IL17B: variants seen among roughly 807,000 people sequenced by gnomAD.
IL17B encodes interleukin 17B.
A neutral mutation model predicts 14.7 loss-of-function variants in IL17B; 14 were observed. That is an observed-to-expected ratio of 0.95 (90% CI 0.63 to 1.49). The LOEUF (loss-of-function observed/expected upper bound fraction) is 1.49, where lower values mean the gene tolerates loss of function less well. IL17B is among the 40% of genes most tolerant of loss of function. The pLI is 0.00. For synonymous variants in IL17B, 105 were observed against 94.8 expected (o/e 1.11, Z -0.62); for missense variants, 233 against 252.8 (o/e 0.92, Z 0.53).
intron 1 of IL17B, among the ~76,000 whole-genome samples, chr5:149,396,304 C>A (rs765340083): frequency 6.6e-6 from 1 of 152,130 alleles, no homozygotes; most frequent in Admixed American, 6.6e-5. Context: ...AAATTTCAGA[C>A]CTAACAGGGA....
upstream of IL17B, among the ~76,000 whole-genome samples, chr5:149,384,236 T>C: frequency 6.6e-6 from 1 of 152,200 alleles, no homozygotes; most frequent in Admixed American, 6.5e-5. Context: ...CAGGCAATGG[T>C]GGTTGGACAT....
chr5:149,376,920 G>A lies in IL17B; in HGVS notation c.127C>T (p.His43Tyr). 1 of 1,614,042 alleles carries A rather than the reference G, an allele frequency of 6.2e-7. No homozygotes were observed. ...GACACCAGGTCCAGTGGCACCTGGT[G>A]AGGGCCAGGGGCCAGGGGCCCAGGC... ...GRPGPLAPGP[H>Y]QVPLDLVSRM... The change falls in exon 2 of 3, where the codon CAC becomes TAC. Residue 43 changes from histidine (H) to tyrosine (Y), a missense_variant. Physicochemically the swap from His to Tyr is moderately conservative, Grantham distance 83. Coordinates refer to ENST00000261796, the MANE Select transcript of IL17B (RefSeq NM_014443.3).
intron 1 of IL17B, among the ~76,000 whole-genome samples, chr5:149,385,086 G>A (rs1198784394): frequency 2.0e-5 from 3 of 147,982 alleles, no homozygotes; most frequent in African/African-American, 7.4e-5. Context: ...GCTAATTTTT[G>A]TATTTTTATT....
intron 1 of IL17B, among the ~76,000 whole-genome samples, chr5:149,402,988 G>A (rs1759240188): frequency 1.7e-5 from 2 of 116,330 alleles, no homozygotes; most frequent in Admixed American, 2.0e-4. Flanking sequence ...GGGTTACACA[G>A]TGAGACTCCA....
chr5:149,395,404 A>G (rs1038586416), intron 1 of IL17B, among the ~76,000 whole-genome samples: 4 of 152,048 alleles, frequency 2.6e-5, no homozygotes, highest in African/African-American at 9.7e-5. Context: ...CCATGTTTTT[A>G]TGGTGTCTTG....
chr5:149,402,918 G>A (rs1180707981), intron 1 of IL17B, among the ~76,000 whole-genome samples: 3 of 145,722 alleles, frequency 2.1e-5, no homozygotes, highest in South Asian at 2.2e-4. Context: ...TGGGAGAATC[G>A]CTTGAACCCG....
At chr5:149,385,149 A>C (rs1261311114) in intron 1 of IL17B, among the ~76,000 whole-genome samples, 1 of 151,474 alleles carries the variant, frequency 6.6e-6, no homozygotes, top group African/African-American at 2.4e-5. Context: ...CCTGACCTAG[A>C]GTTCGACACC....
chr5:149,376,989 C>G lies in IL17B; in HGVS notation c.58G>C (p.Gly20Arg), dbSNP rs760361621. ...TTGCTTTTGGGGCTCCTGGGCTGGC[C>G]CAGCCCCAGGAAGATGGAAATGGTA... ...LLTISIFLGL[G>R]QPRSPKSKRK... is the part of the protein sequence containing the mutation. Residue 20 changes from glycine to arginine, a missense_variant, in exon 2 of 3, where the codon GGC becomes CGC. Transcript: ENST00000261796. The G allele has an allele frequency of 1.5e-5, 23 of 1,583,682 alleles. No individual in the cohort carries two copies. In the African/African-American group the frequency reaches 2.3e-4, roughly 16 times the overall value.
At chr5:149,398,249 T>A (rs571232629) in intron 1 of IL17B, among the ~76,000 whole-genome samples, 4 of 152,292 alleles carry the variant, frequency 2.6e-5, no homozygotes, top group African/African-American at 9.6e-5. Flanking sequence ...TTTAGGGACT[T>A]TAGATATTAG....
chr5:149,392,977 CGTGT>C (rs902743122), intron 1 of IL17B, among the ~76,000 whole-genome samples: 1 of 141,118 alleles, frequency 7.1e-6, no homozygotes, highest in Non-Finnish European at 1.6e-5. Flanking sequence ...TGCGCGCGTG[CGTGT>C]GTGTGTGCGT....
At chr5:149,391,728 G>A (rs145268864) in intron 1 of IL17B, among the ~76,000 whole-genome samples, 19 of 152,282 alleles carry the variant, frequency 1.2e-4, no homozygotes, top group African/African-American at 4.3e-4. Context: ...AGTGGAGGAG[G>A]GTGATTGAAC....
intron 1 of IL17B, among the ~76,000 whole-genome samples, chr5:149,401,213 G>T (rs764347450): frequency 3.4e-4 from 51 of 152,180 alleles, no homozygotes; most frequent in Non-Finnish European, 5.7e-4. Flanking sequence ...TTTCCTAATT[G>T]CATAAGCTTC....
At chr5:149,401,744 G>T (rs1759208687) in intron 1 of IL17B, among the ~76,000 whole-genome samples, 1 of 152,114 alleles carries the variant, frequency 6.6e-6, no homozygotes. Flanking sequence ...GACAGAGGAA[G>T]AAACCCTCTC....
At chr5:149,387,334 G>A (rs756508296) in intron 1 of IL17B, among the ~76,000 whole-genome samples, 5 of 152,318 alleles carry the variant, frequency 3.3e-5, no homozygotes, top group Middle Eastern at 6.8e-3. Flanking sequence ...AAGAAGCCTC[G>A]GTAATTGCTC....
intron 1 of IL17B, among the ~76,000 whole-genome samples, chr5:149,388,475 C>A (rs1758871596): frequency 6.6e-6 from 1 of 152,202 alleles, no homozygotes; most frequent in South Asian, 2.1e-4. Flanking sequence ...CTCAGTGATA[C>A]TATTGTATAT....
upstream of IL17B, among the ~76,000 whole-genome samples, chr5:149,382,151 G>A (rs764028688): frequency 2.0e-5 from 3 of 152,218 alleles, no homozygotes; most frequent in South Asian, 2.1e-4. Flanking sequence ...AGAGCGGCCC[G>A]GGACTGAGAA....
upstream of IL17B, among the ~76,000 whole-genome samples, chr5:149,379,641 T>C (rs1006528026): frequency 5.3e-5 from 8 of 152,128 alleles, no homozygotes; most frequent in Non-Finnish European, 1.2e-4. Flanking sequence ...GATGGGCCGT[T>C]GGTTGGTCAG....
intron 1 of IL17B, among the ~76,000 whole-genome samples, chr5:149,399,107 A>T (rs899717750): frequency 6.6e-6 from 1 of 152,340 alleles, no homozygotes; most frequent in African/African-American, 2.4e-5. Flanking sequence ...CCATGATTCA[A>T]TTATCTCCCA....
upstream of IL17B, among the ~76,000 whole-genome samples, chr5:149,379,987 C>G (rs532766333): frequency 1.3e-5 from 2 of 152,306 alleles, no homozygotes; most frequent in African/African-American, 4.8e-5. Context: ...TGTACGCCCT[C>G]ACTCTGGCCA....
Sources: gnomAD v4.1 joint callset for allele counts (sites outside exome capture counted in the v4.1 genomes callset) on GRCh38, gnomAD v4.1.1 for gene constraint, MANE v1.5 for transcripts, NCBI Gene and HGNC (gene_info 2026-07-23, HGNC 2026-07-21) for gene names.